The following TMEM131 variants were observed in gnomAD, a reference collection of about 807,000 sequenced individuals.
TMEM131 encodes the protein transmembrane protein 131, also known as 2610524E03Rik.
A neutral mutation model predicts 211.6 loss-of-function variants in TMEM131; 66 were observed. The ratio of observed to expected loss-of-function variants is 0.31; its 90% CI spans 0.26 to 0.38. The LOEUF (loss-of-function observed/expected upper bound fraction) is 0.38. Among genes scored for constraint, TMEM131 ranks in the 10% least tolerant of loss-of-function variants. TMEM131 has a pLI of 1.00. For synonymous variants in TMEM131, 844 were observed against 841.3 expected (o/e 1.00, Z -0.06); for missense variants, 2,036 against 2,299.3 (o/e 0.89, Z 2.34).
chr2:97,823,187 A>G (rs1276040083), intron 11 of TMEM131, among the ~76,000 whole-genome samples: 1 of 152,090 alleles, frequency 6.6e-6, no homozygotes, highest in African/African-American at 2.4e-5. Context: ...ATTAATGATA[A>G]GCCTCCTCTA....
chr2:97,762,165 G>A lies in TMEM131; in HGVS notation c.4759C>T (p.Leu1587Phe). The A allele has an allele frequency of 1.2e-6, 2 of 1,613,974 alleles. No individual in the cohort carries two copies. Among genetic ancestry groups the A allele is most frequent in the South Asian group, 1.1e-5 (1 of 91,074 alleles). ...DSLYKLSLQT[L>F]NADIFLKQRQ... ...TGTTTTAAGAAAATGTCTGCGTTGA[G>A]GGTTTGCAGAGAAAGTTTATAAAGA... The change falls in exon 36 of 41, where the codon CTC becomes TTC. Residue 1587 changes from leucine (L) to phenylalanine (F), a missense_variant. Coordinates refer to ENST00000186436, the MANE Select transcript of TMEM131 (RefSeq NM_015348.2).
chr2:97,820,422 A>G (rs1682055523), intron 11 of TMEM131, among the ~76,000 whole-genome samples: 1 of 152,250 alleles, frequency 6.6e-6, no homozygotes, highest in South Asian at 2.1e-4. Context: ...CCATGCTAAT[A>G]CTTTTTCCAA....
intron 1 of TMEM131, among the ~76,000 whole-genome samples, chr2:97,954,110 G>A (rs1350190929): frequency 6.6e-6 from 1 of 152,050 alleles, no homozygotes; most frequent in Non-Finnish European, 1.5e-5. Flanking sequence ...TAAGAAACTA[G>A]AAAAAGTAGA....
chr2:97,847,257 G>A (rs1440763093), intron 5 of TMEM131, among the ~76,000 whole-genome samples: 1 of 152,054 alleles, frequency 6.6e-6, no homozygotes, highest in Admixed American at 6.5e-5. Flanking sequence ...AGAAAAATCT[G>A]TTTTTATTCA....
intron 1 of TMEM131, among the ~76,000 whole-genome samples, chr2:97,989,664 G>A (rs1007014671): frequency 8.6e-5 from 13 of 151,998 alleles, no homozygotes; most frequent in South Asian, 2.1e-4. Context: ...AAATAAAAAC[G>A]TAGGTTTCAT....
intron 31 of TMEM131, among the ~76,000 whole-genome samples, chr2:97,781,586 TAAAC>T (rs979805952): frequency 4.6e-5 from 7 of 152,236 alleles, no homozygotes; most frequent in Admixed American, 2.6e-4. Context: ...AAATCTCATT[TAAAC>T]AAACAAACAA....
chr2:97,885,283 C>T (rs962705524), intron 4 of TMEM131, among the ~76,000 whole-genome samples: 16 of 62,704 alleles, frequency 2.6e-4, no homozygotes, highest in South Asian at 4.7e-4. Flanking sequence ...CTGCAAGCTC[C>T]GCTTCCCGGT....
At chr2:97,834,041 T>C (rs1463674323) in intron 10 of TMEM131, among the ~76,000 whole-genome samples, 7 of 152,198 alleles carry the variant, frequency 4.6e-5, no homozygotes. Flanking sequence ...AGCAAATTAA[T>C]AATTTACAAT....
chr2:97,803,620 T>C (rs775173650), intron 22 of TMEM131, among the ~76,000 whole-genome samples: 27 of 152,208 alleles, frequency 1.8e-4, no homozygotes, highest in Non-Finnish European at 3.2e-4. Flanking sequence ...TTTATATGAC[T>C]AGTAGCAGAA....
intron 25 of TMEM131, among the ~76,000 whole-genome samples, chr2:97,799,120 GTTAT>G (rs149204193): frequency 0.012 from 1,817 of 152,200 alleles, 39 homozygotes; most frequent in African/African-American, 0.041. Flanking sequence ...ACCGATAGAC[GTTAT>G]TTGTCTTTTT....
chr2:97,921,773 A>G (rs1233239884), intron 2 of TMEM131, among the ~76,000 whole-genome samples: 1 of 152,218 alleles, frequency 6.6e-6, no homozygotes, highest in African/African-American at 2.4e-5. Context: ...ACAAAGGAAG[A>G]TATCCAAATG....
Position 97,760,892 on chromosome 2 carries a change from T to C in TMEM131, c.4912A>G (p.Asn1638Asp). ...SSSDPKIKQP[N>D]GSKHKLTKAA... ...TTTGTCAACTTGTGTTTGCTTCCAT[T>C]TGGCTGTTTTATTTTAGGGTCACTT... is the stretch of plus-strand genomic sequence containing the variant. Residue 1638 changes from asparagine (N) to aspartate (D), a missense_variant, in exon 37 of 41, where the codon AAT (asparagine) becomes GAT (aspartate). Physicochemically the swap from Asn to Asp is conservative, Grantham distance 23 (BLOSUM62 1). Transcript: ENST00000186436. 1.2e-6 allele frequency: 2 copies of C among 1,613,944 alleles called. No individual in the cohort carries two copies. Among genetic ancestry groups the C allele is most frequent in the South Asian group, 2.2e-5 (2 of 91,082 alleles).
At chr2:97,864,250 T>C (rs542690131) in intron 4 of TMEM131, among the ~76,000 whole-genome samples, 1 of 152,060 alleles carries the variant, frequency 6.6e-6, no homozygotes, top group South Asian at 2.1e-4. Context: ...CGGGGATGGG[T>C]AGAAATGGGG....
At chr2:97,794,446 A>T (rs973977854) in intron 29 of TMEM131, among the ~76,000 whole-genome samples, 6 of 152,176 alleles carry the variant, frequency 3.9e-5, no homozygotes, top group Non-Finnish European at 8.8e-5. Context: ...TACTAAGAAG[A>T]ATTTTAGTTT....
Position 97,796,844 on chromosome 2 carries a change from T to C in TMEM131, c.3013A>G (p.Ser1005Gly), listed in dbSNP as rs750156054. ...TEALLKDCTD[S>G]LKLREPNFTL... ...CCTTGAAACTGTTAGGAAGACTTAC[T>C]ATCTGTACAATCTTTTAACAATGCT... Residue 1005 changes from serine (S) to glycine (G), a missense_variant and splice_region_variant, in exon 27 of 41, where the codon AGT becomes GGT. Coordinates refer to ENST00000186436, the MANE Select transcript of TMEM131 (RefSeq NM_015348.2). 1 of 1,612,976 alleles carries C rather than the reference T, an allele frequency of 6.2e-7. No individual in the cohort carries two copies. Among genetic ancestry groups the C allele is most frequent in the East Asian group, 2.2e-5 (1 of 44,872 alleles).
chr2:97,878,822 T>C (rs1033036589), intron 4 of TMEM131, among the ~76,000 whole-genome samples: 2 of 152,174 alleles, frequency 1.3e-5, no homozygotes, highest in African/African-American at 4.8e-5. Context: ...GTTCTGCACA[T>C]ATACCCCAGA....
intron 19 of TMEM131, among the ~76,000 whole-genome samples, chr2:97,809,113 C>T (rs1559372744): frequency 2.0e-5 from 3 of 152,170 alleles, no homozygotes; most frequent in Non-Finnish European, 4.4e-5. Flanking sequence ...TAAAGCTCAG[C>T]TCTGATGATG....
At chr2:97,863,303 A>G (rs1374804184) in intron 4 of TMEM131, among the ~76,000 whole-genome samples, 3 of 152,212 alleles carry the variant, frequency 2.0e-5, no homozygotes, top group Non-Finnish European at 2.9e-5. Flanking sequence ...AGAAAGGGAC[A>G]TTAGTTAGCA....
At chr2:97,927,273 G>GT in intron 2 of TMEM131, 153 bp downstream of exon 2, 1 of 482,712 alleles carries the variant, frequency 2.1e-6, no homozygotes, top group Non-Finnish European at 3.5e-6. Context: ...AACTACAGAG[G>GT]TTTTTATATT....
Sources: gnomAD v4.1 joint callset for allele counts (sites outside exome capture counted in the v4.1 genomes callset) on GRCh38, gnomAD v4.1.1 for gene constraint, MANE v1.5 for transcripts, NCBI Gene and HGNC (gene_info 2026-07-23, HGNC 2026-07-21) for gene names.